CSMD1: variants seen among roughly 807,000 people sequenced by gnomAD.
The protein encoded by CSMD1 is CUB and sushi domain-containing protein 1.
Under a neutral mutation model 417.5 loss-of-function variants are expected in CSMD1, and 213 were observed. The ratio of observed to expected loss-of-function variants is 0.51; its 90% CI spans 0.46 to 0.57. CSMD1 has a LOEUF of 0.57. Among genes scored for constraint, CSMD1 ranks in the 20% least tolerant of loss-of-function variants. CSMD1 has a pLI of 0.00. For synonymous variants in CSMD1, 2,862 were observed against 1,736.8 expected (o/e 1.65, Z -16.11); for missense variants, 6,923 against 4,529.7 (o/e 1.53, Z -15.17).
intron 3 of CSMD1, among the ~76,000 whole-genome samples, chr8:4,308,343 G>A (rs1200240988): frequency 1.4e-4 from 22 of 151,920 alleles, no homozygotes; most frequent in Admixed American, 1.4e-3. Flanking sequence ...TATCGTTTGT[G>A]GTGCGTGTGC....
At chr8:4,866,438 G>T (rs556536303) in intron 1 of CSMD1, among the ~76,000 whole-genome samples, 6 of 151,912 alleles carry the variant, frequency 3.9e-5, no homozygotes, top group Non-Finnish European at 8.8e-5. Flanking sequence ...GATAAAAGAA[G>T]TTTGTTCTAT....
intron 2 of CSMD1, among the ~76,000 whole-genome samples, chr8:4,432,480 C>G (rs1425378480): frequency 6.6e-6 from 1 of 152,190 alleles, no homozygotes; most frequent in Non-Finnish European, 1.5e-5. Context: ...ATCAATTACC[C>G]TCCTTGGGGT....
intron 5 of CSMD1, among the ~76,000 whole-genome samples, chr8:3,764,541 G>C (rs1397495728): frequency 2.0e-5 from 3 of 152,016 alleles, no homozygotes; most frequent in Admixed American, 6.6e-5. Context: ...TCACCAGGTG[G>C]GGAGTACAGG....
At chr8:4,877,318 T>C (rs1803105098) in intron 1 of CSMD1, among the ~76,000 whole-genome samples, 1 of 152,192 alleles carries the variant, frequency 6.6e-6, no homozygotes, top group African/African-American at 2.4e-5. Context: ...ATTTAAAAAT[T>C]TTACATTAAT....
intron 3 of CSMD1, among the ~76,000 whole-genome samples, chr8:4,351,890 G>A (rs770449421): frequency 1.2e-4 from 18 of 151,008 alleles, no homozygotes; most frequent in South Asian, 2.1e-4. Flanking sequence ...TGTGGATTAC[G>A]CACTACAGAA....
At chr8:3,682,402 A>G (rs1374656478) in intron 7 of CSMD1, among the ~76,000 whole-genome samples, 2 of 152,248 alleles carry the variant, frequency 1.3e-5, no homozygotes, top group African/African-American at 4.8e-5. Flanking sequence ...GACACTTCTC[A>G]AAAGATGACC....
chr8:4,368,691 T>G (rs893742729), intron 3 of CSMD1, among the ~76,000 whole-genome samples: 2 of 152,124 alleles, frequency 1.3e-5, no homozygotes, highest in South Asian at 2.1e-4. Flanking sequence ...TGGCTTAATA[T>G]GAGATGTTGT....
At chr8:3,964,999 T>A (rs1354427600) in intron 5 of CSMD1, among the ~76,000 whole-genome samples, 1 of 152,206 alleles carries the variant, frequency 6.6e-6, no homozygotes, top group East Asian at 1.9e-4. Context: ...GGCCACGGTT[T>A]TTTCTGTGTA....
chr8:3,540,396 G>C (rs184166866), intron 10 of CSMD1, among the ~76,000 whole-genome samples: 2 of 152,200 alleles, frequency 1.3e-5, no homozygotes, highest in East Asian at 1.9e-4. Flanking sequence ...GTGGATTCAA[G>C]ACTTAAATGT....
intron 1 of CSMD1, among the ~76,000 whole-genome samples, chr8:4,882,949 T>C (rs1803504772): frequency 6.6e-6 from 1 of 152,038 alleles, no homozygotes; most frequent in Non-Finnish European, 1.5e-5. Flanking sequence ...GAGCTAGCAG[T>C]GTTAGCTCCA....
Position 3,440,670 on chromosome 8 carries a change from G to T in CSMD1, c.1561+28042C>A, listed in dbSNP as rs1039037276. 2.6e-5 allele frequency among the ~76,000 whole-genome samples: 4 copies of T among 152,156 alleles called. No homozygotes were observed. In the South Asian group the frequency reaches 6.2e-4, roughly 24 times the overall value. ...TCCTTGCAATTTTGAATGGACTTGA[G>T]CTTCCAGCACTATACTGAATGGGAA... On this transcript the variant is annotated intron_variant, in intron 12 of 69. Transcript: ENST00000635120.
In CSMD1 at chr8:3,870,960, T is replaced by C. The variant is rs141523934; in HGVS notation, c.819-116918A>G. ...TATTCATAAATGTAAATTTTTGTTT[T>C]ATATTCTTAAATATAAGTTAATTTT... On this transcript the variant is annotated intron_variant, in intron 5 of 69. Transcript: ENST00000635120. Among the ~76,000 whole-genome samples, 510 of 151,988 alleles carry C rather than the reference T, an allele frequency of 3.4e-3. 3 individuals carry two copies. Among genetic ancestry groups the C allele is most frequent in the African/African-American group, 0.012 (493 of 41,534 alleles).
chr8:4,680,299 G>A (rs2724965), intron 1 of CSMD1, among the ~76,000 whole-genome samples: 4 of 151,960 alleles, frequency 2.6e-5, no homozygotes, highest in Non-Finnish European at 4.4e-5. Context: ...AAATTCGACC[G>A]AAAAAGTAAT....
chr8:3,740,631 G>C (rs1198025639), intron 6 of CSMD1, among the ~76,000 whole-genome samples: 2 of 152,194 alleles, frequency 1.3e-5, no homozygotes, highest in African/African-American at 4.8e-5. Flanking sequence ...TGCTGGTAAA[G>C]AGACAAATGT....
At chr8:3,792,130 C>G (rs754263374) in intron 5 of CSMD1, among the ~76,000 whole-genome samples, 1 of 152,006 alleles carries the variant, frequency 6.6e-6, no homozygotes. Context: ...CCTGTCTCTA[C>G]GAAAAGTTGA....
chr8:4,451,592 A>C (rs1484721125), intron 2 of CSMD1, among the ~76,000 whole-genome samples: 1 of 152,202 alleles, frequency 6.6e-6, no homozygotes, highest in Non-Finnish European at 1.5e-5. Context: ...CCTTAAAAAG[A>C]AGACCATTTT....
At chr8:3,808,132 C>G (rs898816437) in intron 5 of CSMD1, among the ~76,000 whole-genome samples, 1 of 152,118 alleles carries the variant, frequency 6.6e-6, no homozygotes, top group Admixed American at 6.5e-5. Flanking sequence ...GAATGCATCT[C>G]TGTGAAATCA....
intron 2 of CSMD1, among the ~76,000 whole-genome samples, chr8:4,530,628 G>A (rs1796763133): frequency 6.6e-6 from 1 of 151,258 alleles, no homozygotes; most frequent in Non-Finnish European, 1.5e-5. Context: ...AGTTTTCTGA[G>A]GATGATGGTT....
intron 3 of CSMD1, among the ~76,000 whole-genome samples, chr8:4,257,556 A>G (rs536533467): frequency 6.6e-6 from 1 of 152,304 alleles, no homozygotes; most frequent in East Asian, 1.9e-4. Flanking sequence ...TACATTTTTA[A>G]AATAAGAAAT....
Sources: gnomAD v4.1 joint callset for allele counts (sites outside exome capture counted in the v4.1 genomes callset) on GRCh38, gnomAD v4.1.1 for gene constraint, MANE v1.5 for transcripts, NCBI Gene and HGNC (gene_info 2026-07-23, HGNC 2026-07-21) for gene names.